Variants in ZNF208 observed in about 807,000 individuals in gnomAD.
ZNF208 encodes the protein zinc finger protein 208.
ZNF208 carries 10 observed loss-of-function variants against 12.1 expected under a neutral mutation model. That is an observed-to-expected ratio of 0.83 (90% confidence interval 0.51 to 1.40). The LOEUF is 1.40. Among genes scored for constraint, ZNF208 ranks in the 40% most tolerant of loss-of-function variants. ZNF208 has a pLI of 0.00. For missense variants in ZNF208, 1,652 were observed against 1,485.0 expected (o/e 1.11, Z -1.85); for synonymous variants, 497 against 488.4 (o/e 1.02, Z -0.23).
rs752050104 is a variant in ZNF208 at position 22,010,804 on chromosome 19, T to C, written c.-10A>G. ...CCGGCACACTCACCATTTCTAGGCT[T>C]CCAGGGGGTCCTGGCGACTTAGTTG... On this transcript the variant is annotated 5_prime_UTR_variant, in exon 1 of 4. Coordinates refer to ENST00000397126, the MANE Select transcript of ZNF208 (RefSeq NM_007153.3). 6.2e-7 allele frequency: 1 copy of C among 1,614,088 alleles called. No individual in the cohort carries two copies. The highest frequency in any genetic ancestry group is 1.6e-4 in the Middle Eastern group (1 of 6,062).
chr19:21,958,358 T>C (rs1052907836), intron 4 of ZNF208, among the ~76,000 whole-genome samples: 11 of 152,120 alleles, frequency 7.2e-5, no homozygotes, highest in Admixed American at 3.9e-4. Flanking sequence ...ATGGGTAATG[T>C]AAAAATCTAA....
Position 21,970,742 on chromosome 19 carries a change from T to C in ZNF208, c.*449A>G. 2.3e-6 allele frequency: 3 copies of C among 1,314,966 alleles called. No individual in the cohort carries two copies. The highest frequency in any genetic ancestry group is 3.3e-6 in the Non-Finnish European group (3 of 917,438). The allele number at this position is 1,314,966 out of a possible 1,614,324, so 81.5% of individuals were successfully genotyped here. A position where few individuals can be genotyped will look rare whatever the true frequency, so the allele number is the denominator to read the frequency against. On this transcript the variant is annotated 3_prime_UTR_variant, in exon 4 of 4. Transcript: ENST00000397126. ...TTATGTGTAGGAGGGTTGGGAACTG[T>C]TTAAAAGCTTTGCCAAATTCTTCAC...
At chr19:21,962,963 C>T (rs777861085), downstream of ZNF208, among the ~76,000 whole-genome samples, 1 of 151,996 alleles carries the variant, frequency 6.6e-6, no homozygotes, top group Non-Finnish European at 1.5e-5. Context: ...TGATAATAGT[C>T]TCATCTACGG....
At chr19:21,956,852 C>A (rs566595421) in intron 4 of ZNF208, among the ~76,000 whole-genome samples, 1 of 152,126 alleles carries the variant, frequency 6.6e-6, no homozygotes, top group African/African-American at 2.4e-5. Context: ...GTCCAACAAG[C>A]CCCAGTGAGA....
At chr19:21,999,144 T>C (rs1410583324) in intron 1 of ZNF208, among the ~76,000 whole-genome samples, 1 of 151,584 alleles carries the variant, frequency 6.6e-6, no homozygotes, top group East Asian at 1.9e-4. Context: ...ACTATAATGA[T>C]TTAATGGTAA....
chr19:22,003,987 G>A (rs1488649972), intron 1 of ZNF208, among the ~76,000 whole-genome samples: 4 of 151,772 alleles, frequency 2.6e-5, no homozygotes, highest in Non-Finnish European at 5.9e-5. Flanking sequence ...TGGACAACAT[G>A]GCAAAATCCC....
intron 3 of ZNF208, among the ~76,000 whole-genome samples, chr19:21,980,712 A>G (rs1330827695): frequency 1.3e-5 from 2 of 152,194 alleles, no homozygotes; most frequent in Non-Finnish European, 2.9e-5. Flanking sequence ...GAAATAACTA[A>G]GAAAAGAGCA....
intron 4 of ZNF208, among the ~76,000 whole-genome samples, chr19:21,948,891 TA>T (rs921273901): frequency 1.6e-4 from 25 of 152,050 alleles, no homozygotes; most frequent in Non-Finnish European, 3.4e-4. Context: ...CCAATGAGAA[TA>T]AAAACAATGA....
chr19:22,010,446 C>T (rs1444072418), intron 1 of ZNF208, among the ~76,000 whole-genome samples: 2 of 152,204 alleles, frequency 1.3e-5, no homozygotes, highest in Non-Finnish European at 2.9e-5. Flanking sequence ...GACCAAAGCT[C>T]TTCCCATTCA....
rs1971022723 is a variant in ZNF208, at chr19:22,005,144, T to TA, written c.3+5647_3+5648insT. ...GCCAGGAGACTTGTAGACACTTTTGTGGTTTTTGGCCAAAAAAACCACTAG... is the reference window on the plus strand; with the variant it reads ...GCCAGGAGACTTGTAGACACTTTTGTAGGTTTTTGGCCAAAAAAACCACTAG... On this transcript the variant is annotated intron_variant, in intron 1 of 3. Coordinates refer to ENST00000397126, the MANE Select transcript of ZNF208 (RefSeq NM_007153.3). 2.6e-5 allele frequency among the ~76,000 whole-genome samples: 4 copies of TA among 152,184 alleles called. No individual in the cohort carries two copies. The South Asian group carries it at 8.3e-4, about 32-fold the overall frequency.
chr19:22,004,812 T>C (rs1971017810), intron 1 of ZNF208, among the ~76,000 whole-genome samples: 1 of 152,204 alleles, frequency 6.6e-6, no homozygotes, highest in African/African-American at 2.4e-5. Context: ...TTTTTGGTGC[T>C]ATGATTAGTA....
At chr19:21,962,280 A>G (rs183652368), downstream of ZNF208, among the ~76,000 whole-genome samples, 4 of 152,248 alleles carry the variant, frequency 2.6e-5, no homozygotes, top group East Asian at 1.9e-4. Context: ...GTGACACATA[A>G]TAAGTGTTAG....
At chr19:21,941,580 T>G in intron 4 of ZNF208, 2 of 393,966 alleles carry the variant, frequency 5.1e-6, no homozygotes, top group East Asian at 3.6e-5. Context: ...TTAGCTTTTT[T>G]TTTTTTGAGT....
chr19:21,943,432 T>C lies in ZNF208; in HGVS notation c.306-10195A>G, dbSNP rs1035215174. Among the ~76,000 whole-genome samples the C allele has an allele frequency of 2.0e-5, 3 of 152,262 alleles. No individual in the cohort carries two copies. In the East Asian group the frequency reaches 5.8e-4, roughly 29 times the overall value. On this transcript the variant is annotated intron_variant, in intron 4 of 4. Coordinates refer to the ZNF208 transcript ENST00000599916. ...GAAACAGACCATTGCATGAACTTTA[T>C]ACAGATGTTTTGCCACAGTGGCATA...
At chr19:21,963,495 G>T (rs191984847), downstream of ZNF208, among the ~76,000 whole-genome samples, 72 of 152,102 alleles carry the variant, frequency 4.7e-4, no homozygotes, top group Admixed American at 2.8e-3. Flanking sequence ...TATTCGCTCT[G>T]AGTCACACAG....
At chr19:21,965,814 T>C (rs1970153844), downstream of ZNF208, 1 of 151,912 alleles carries the variant, frequency 6.6e-6, no homozygotes, top group African/African-American at 2.4e-5. Flanking sequence ...AAAAAAATGA[T>C]TAATCCAATT....
In ZNF208 at chr19:21,973,717, G is replaced by T. The variant is rs1460676283; in HGVS notation, c.1317C>A (p.Asn439Lys). 3.2e-6 allele frequency: 5 copies of T among 1,571,844 alleles called. No individual in the cohort carries two copies. Among genetic ancestry groups the T allele is most frequent in the Non-Finnish European group, 4.4e-6 (5 of 1,145,100 alleles). Residue 439 changes from asparagine (N) to lysine (K), a missense_variant, in exon 4 of 4, where the codon AAC becomes AAA. Around this residue, in one of 3 missense-constraint regions of ZNF208, gnomAD observed 1,239 missense variants for 1,086.2 expected, o/e 1.14. Coordinates refer to ENST00000397126, the MANE Select transcript of ZNF208 (RefSeq NM_007153.3). ...ECGKAFNWSSNLMEHKKIHTG... is the reference protein window; with the variant it reads ...ECGKAFNWSSKLMEHKKIHTG... ...TGTGAATTTTCTTATGTTCCATAAGGTTTGAGGACCAGTTGAAAGCTTTGC... is the reference window on the plus strand; with the variant it reads ...TGTGAATTTTCTTATGTTCCATAAGTTTTGAGGACCAGTTGAAAGCTTTGC...
At chr19:21,958,469 G>A (rs1178061477) in intron 4 of ZNF208, among the ~76,000 whole-genome samples, 1 of 152,138 alleles carries the variant, frequency 6.6e-6, no homozygotes, top group Non-Finnish European at 1.5e-5. Context: ...CAGAAAGTAA[G>A]ATCAAGGGAA....
intron 3 of ZNF208, among the ~76,000 whole-genome samples, chr19:21,978,468 T>G (rs1182216275): frequency 6.6e-6 from 1 of 152,162 alleles, no homozygotes; most frequent in East Asian, 1.9e-4. Flanking sequence ...CCAGCAGATC[T>G]GCAGCAGAGA....
Sources: allele counts gnomAD v4.1 joint callset (sites outside exome capture counted in the v4.1 genomes callset), GRCh38; gene constraint gnomAD v4.1.1; regional missense constraint gnomAD v4.1.1; transcripts MANE v1.5; gene names NCBI Gene and HGNC (gene_info 2026-07-23, HGNC 2026-07-21).